Variants in CNTN4 observed in about 807,000 individuals in gnomAD.
The protein encoded by CNTN4 is contactin-4.
Under a neutral mutation model 122.5 loss-of-function variants are expected in CNTN4, and 77 were observed. That is an observed-to-expected ratio of 0.63 (90% CI 0.52 to 0.76). The LOEUF (loss-of-function observed/expected upper bound fraction) is 0.76. Ranked by LOEUF, CNTN4 falls within the 30% of genes least tolerant of loss-of-function variation. The probability of loss-of-function intolerance (pLI) is 0.00; values close to 1 mark genes in which losing one functional copy is unlikely to be tolerated. For missense variants in CNTN4, 1,256 were observed against 1,259.1 expected (o/e 1.00, Z 0.04); for synonymous variants, 512 against 447.0 (o/e 1.15, Z -1.83).
At chr3:2,499,584 A>G (rs139245454) in intron 3 of CNTN4, among the ~76,000 whole-genome samples, 2 of 152,100 alleles carry the variant, frequency 1.3e-5, no homozygotes, top group Middle Eastern at 3.2e-3. Context: ...ACTTGTATTC[A>G]TTGATCTATG....
intron 3 of CNTN4, among the ~76,000 whole-genome samples, chr3:2,348,229 C>A (rs746337862): frequency 6.7e-6 from 1 of 148,522 alleles, no homozygotes; most frequent in Admixed American, 6.7e-5. Flanking sequence ...TAAATTAGAT[C>A]ATATACTTAA....
chr3:2,940,736 G>A (rs2094607800), intron 13 of CNTN4, among the ~76,000 whole-genome samples: 1 of 64,404 alleles, frequency 1.6e-5, no homozygotes, highest in African/African-American at 5.3e-5. Context: ...GAAGTTAAGG[G>A]TAAAAGGAGT....
At chr3:2,262,500 A>G (rs944509593) in intron 2 of CNTN4, 1 of 152,104 alleles carries the variant, frequency 6.6e-6, no homozygotes, top group East Asian at 1.9e-4. Flanking sequence ...GGCCTGTCTT[A>G]TAATCTCTCT....
intron 2 of CNTN4, among the ~76,000 whole-genome samples, chr3:2,327,265 A>G (rs2043502856): frequency 6.6e-6 from 1 of 152,094 alleles, no homozygotes; most frequent in African/African-American, 2.4e-5. Flanking sequence ...TGGATTTCCA[A>G]ATTGATGGAT....
At chr3:2,972,633 G>A (rs896949581) in intron 13 of CNTN4, among the ~76,000 whole-genome samples, 4 of 152,184 alleles carry the variant, frequency 2.6e-5, no homozygotes, top group Non-Finnish European at 5.9e-5. Flanking sequence ...GTTCTTTTGA[G>A]TTTAATAGTT....
intron 3 of CNTN4, among the ~76,000 whole-genome samples, chr3:2,399,065 C>T (rs1355288324): frequency 6.6e-6 from 1 of 151,878 alleles, no homozygotes; most frequent in South Asian, 2.1e-4. Context: ...TGGTCCAACC[C>T]AGTCATTAAA....
At chr3:2,232,003 G>A (rs984314078) in intron 2 of CNTN4, among the ~76,000 whole-genome samples, 1 of 152,034 alleles carries the variant, frequency 6.6e-6, no homozygotes, top group African/African-American at 2.4e-5. Flanking sequence ...AAGCTTACCA[G>A]AGAGCATTTA....
chr3:2,131,310 C>G (rs2034440404), intron 2 of CNTN4, among the ~76,000 whole-genome samples: 1 of 152,084 alleles, frequency 6.6e-6, no homozygotes, highest in African/African-American at 2.4e-5. Context: ...TATTCAGTGT[C>G]TCTGATTTGC....
intron 6 of CNTN4, among the ~76,000 whole-genome samples, chr3:2,815,726 C>T (rs2092710232): frequency 6.6e-6 from 1 of 152,090 alleles, no homozygotes; most frequent in African/African-American, 2.4e-5. Context: ...AGCAATCTCA[C>T]TACTGAGTAT....
At chr3:2,295,012 A>C (rs915878797) in intron 2 of CNTN4, among the ~76,000 whole-genome samples, 21 of 151,842 alleles carry the variant, frequency 1.4e-4, no homozygotes, top group African/African-American at 2.2e-4. Flanking sequence ...TGAACTCATC[A>C]TTTTTTATGG....
intron 2 of CNTN4, among the ~76,000 whole-genome samples, chr3:2,324,539 T>C (rs1575375763): frequency 6.6e-6 from 1 of 152,128 alleles, no homozygotes; most frequent in East Asian, 1.9e-4. Flanking sequence ...AGTTTTAATT[T>C]CTATAAATCC....
At chr3:2,597,332 A>T (rs376366546) in intron 4 of CNTN4, among the ~76,000 whole-genome samples, 1 of 152,328 alleles carries the variant, frequency 6.6e-6, no homozygotes, top group East Asian at 1.9e-4. Flanking sequence ...TGCCTCTTCT[A>T]CTACCATTTG....
At chr3:2,511,732 A>G (rs888186231) in intron 3 of CNTN4, 3 of 152,194 alleles carry the variant, frequency 2.0e-5, no homozygotes, top group East Asian at 1.9e-4. Flanking sequence ...CTTTCTCCCT[A>G]CAGCTCCATG....
At chr3:2,171,777 C>T (rs1238062154) in intron 2 of CNTN4, among the ~76,000 whole-genome samples, 2 of 152,162 alleles carry the variant, frequency 1.3e-5, no homozygotes, top group Non-Finnish European at 2.9e-5. Flanking sequence ...CATTAGTATA[C>T]TGTATTTACT....
chr3:2,133,614 A>C (rs2034551453), intron 2 of CNTN4, among the ~76,000 whole-genome samples: 1 of 152,034 alleles, frequency 6.6e-6, no homozygotes, highest in South Asian at 2.1e-4. Flanking sequence ...TTTGGGGAAA[A>C]TTTTAGGTAG....
rs527561474 is a variant in CNTN4 at position 2,812,362 on chromosome 3, T to C, written c.359-7124T>C. On this transcript the variant is annotated intron_variant, in intron 6 of 24. Coordinates refer to ENST00000418658, the MANE Select transcript of CNTN4 (RefSeq NM_175607.3). ...CAAGCATTCTCAGACCAGAAGATTATAGGAAGAATTTCTCATGAAGAATTA... is the reference window on the plus strand; with the variant it reads ...CAAGCATTCTCAGACCAGAAGATTACAGGAAGAATTTCTCATGAAGAATTA... Among the ~76,000 whole-genome samples the C allele has an allele frequency of 1.3e-4, 20 of 151,978 alleles. No individual in the cohort carries two copies. The South Asian group carries it at 3.9e-3, about 30-fold the overall frequency.
chr3:2,236,669 G>A (rs1322943318), intron 2 of CNTN4, among the ~76,000 whole-genome samples: 1 of 152,142 alleles, frequency 6.6e-6, no homozygotes, highest in East Asian at 1.9e-4. Flanking sequence ...TGTCCAAATG[G>A]GACATTAAAA....
At chr3:2,599,383 C>G (rs1033658210) in intron 4 of CNTN4, among the ~76,000 whole-genome samples, 1 of 152,214 alleles carries the variant, frequency 6.6e-6, no homozygotes, top group African/African-American at 2.4e-5. Flanking sequence ...TAACATGTAG[C>G]ATTGCCATCT....
intron 10 of CNTN4, among the ~76,000 whole-genome samples, chr3:2,893,757 AT>A (rs1427007124): frequency 1.3e-5 from 2 of 152,106 alleles, no homozygotes; most frequent in African/African-American, 2.4e-5. Context: ...TCACAGTTAC[AT>A]TTTTTTATTC....
Sources: allele counts gnomAD v4.1 joint callset (sites outside exome capture counted in the v4.1 genomes callset), GRCh38; gene constraint gnomAD v4.1.1; transcripts MANE v1.5; gene names NCBI Gene and HGNC (gene_info 2026-07-23, HGNC 2026-07-21).